Variants in PCGF5 observed in about 807,000 individuals in gnomAD.
PCGF5 encodes polycomb group ring finger 5.
In PCGF5, 9 loss-of-function variants were observed where a neutral mutation model predicts 44.3. The ratio of observed to expected loss-of-function variants is 0.20; its 90% CI spans 0.12 to 0.35. The LOEUF (loss-of-function observed/expected upper bound fraction) is 0.35. Ranked by LOEUF, PCGF5 falls within the 10% of genes least tolerant of loss-of-function variation. PCGF5 has a pLI of 1.00. For synonymous variants in PCGF5, 95 were observed against 102.5 expected, an observed-to-expected ratio of 0.93 and a Z score of 0.44; for missense variants, 146 against 305.3, an observed-to-expected ratio of 0.48 and a Z score of 3.89.
chr10:91,248,796 A>G, intron 5 of PCGF5, 72 bp downstream of exon 5: 1 of 1,244,426 alleles, frequency 8.0e-7, no homozygotes, highest in Non-Finnish European at 1.1e-6. Context: ...TAGGTGAACT[A>G]ATATGTCTCT....
intron 1 of PCGF5, among the ~76,000 whole-genome samples, chr10:91,168,680 G>T (rs1843545004): frequency 6.6e-6 from 1 of 152,068 alleles, no homozygotes; most frequent in Non-Finnish European, 1.5e-5. Context: ...TGTAATCCCA[G>T]CACTTTGGGA....
rs1844824048 is a variant in PCGF5 at position 91,225,985 on chromosome 10, G to T, written c.112+3002G>T. On this transcript the variant is annotated intron_variant, in intron 2 of 9. Transcript: ENST00000336126. ...ATAACCAAATGGAAAGGCAGAAAGT[G>T]AGAAATGTTAAGTGACATTGTAGTA... Among the ~76,000 whole-genome samples, 5 of 152,108 alleles carry T rather than the reference G, an allele frequency of 3.3e-5. No homozygotes were observed. The South Asian group carries it at 1.0e-3, about 32-fold the overall frequency.
At chr10:91,173,923 C>T (rs577012215) in intron 1 of PCGF5, among the ~76,000 whole-genome samples, 1 of 151,928 alleles carries the variant, frequency 6.6e-6, no homozygotes, top group East Asian at 2.0e-4. Flanking sequence ...CCTTCCTTTG[C>T]CTGTCTTTAG....
intron 9 of PCGF5, among the ~76,000 whole-genome samples, chr10:91,272,687 C>T (rs547726951): frequency 6.6e-6 from 1 of 151,952 alleles, no homozygotes; most frequent in Non-Finnish European, 1.5e-5. Flanking sequence ...GCGGGAGGGT[C>T]GCTTGAGCCC....
At chr10:91,173,578 C>CTGTTTTTTTTTTTTTT (rs1843650564) in intron 1 of PCGF5, among the ~76,000 whole-genome samples, 1 of 115,628 alleles carries the variant, frequency 8.6e-6, no homozygotes, top group African/African-American at 3.4e-5. Flanking sequence ...AGGGAGTTGG[C>CTGTTTTTTTTTTTTTT]TTTTTTTTTT....
intron 2 of PCGF5, among the ~76,000 whole-genome samples, chr10:91,233,664 G>A (rs1845072620): frequency 6.6e-6 from 1 of 152,154 alleles, no homozygotes; most frequent in African/African-American, 2.4e-5. Context: ...AGTTTCACGT[G>A]TAAGAATAGG....
chr10:91,238,533 G>C (rs1007628229), intron 2 of PCGF5, among the ~76,000 whole-genome samples: 4 of 144,302 alleles, frequency 2.8e-5, no homozygotes, highest in African/African-American at 1.0e-4. Context: ...GAACTACAAA[G>C]ATCAGAGCTC....
chr10:91,258,487 A>G (rs903307784), intron 6 of PCGF5, among the ~76,000 whole-genome samples: 1 of 152,104 alleles, frequency 6.6e-6, no homozygotes, highest in Non-Finnish European at 1.5e-5. Flanking sequence ...GTCAGCCCTC[A>G]GTTTCAGATT....
intron 3 of PCGF5, among the ~76,000 whole-genome samples, chr10:91,243,070 A>T: frequency 6.6e-6 from 1 of 152,196 alleles, no homozygotes; most frequent in East Asian, 1.9e-4. Flanking sequence ...CTCAGTAAAC[A>T]CTTTTTAAAG....
At chr10:91,188,345 A>G (rs1298806274) in intron 1 of PCGF5, among the ~76,000 whole-genome samples, 4 of 152,212 alleles carry the variant, frequency 2.6e-5, no homozygotes, top group Non-Finnish European at 5.9e-5. Context: ...AAGCAGATGG[A>G]TGATTCTATT....
chr10:91,277,982 C>G (rs1846358776), intron 9 of PCGF5, among the ~76,000 whole-genome samples: 1 of 152,062 alleles, frequency 6.6e-6, no homozygotes, highest in African/African-American at 2.4e-5. Context: ...GTTCTTGCCT[C>G]TCCTAAGTGT....
At chr10:91,269,370 TAAATG>T (rs1210489830) in intron 8 of PCGF5, among the ~76,000 whole-genome samples, 1 of 152,220 alleles carries the variant, frequency 6.6e-6, no homozygotes, top group African/African-American at 2.4e-5. Context: ...TTTTGAAACA[TAAATG>T]GAATCATATG....
intron 1 of PCGF5, among the ~76,000 whole-genome samples, chr10:91,222,453 A>G (rs1249185335): frequency 1.3e-5 from 2 of 152,218 alleles, no homozygotes; most frequent in Admixed American, 1.3e-4. Context: ...TGTAGTTAAT[A>G]GCTTTGGGTG....
intron 6 of PCGF5, among the ~76,000 whole-genome samples, chr10:91,256,994 C>T (rs542262373): frequency 6.6e-6 from 1 of 152,134 alleles, no homozygotes; most frequent in South Asian, 2.1e-4. Context: ...ATGTAAAACT[C>T]TTGTGTATCA....
chr10:91,160,031 C>A (rs557243298), upstream of PCGF5, among the ~76,000 whole-genome samples: 5 of 152,288 alleles, frequency 3.3e-5, no homozygotes, highest in African/African-American at 9.6e-5. Context: ...TCGGAATAGT[C>A]TCAGAGAACT....
chr10:91,256,691 T>C (rs1342640702), intron 6 of PCGF5, among the ~76,000 whole-genome samples: 3 of 151,976 alleles, frequency 2.0e-5, no homozygotes, highest in Non-Finnish European at 4.4e-5. Flanking sequence ...AAAGCAACAA[T>C]ATAAAAGTGA....
intron 1 of PCGF5, among the ~76,000 whole-genome samples, chr10:91,196,209 A>G (rs1159586976): frequency 6.6e-6 from 1 of 152,200 alleles, no homozygotes; most frequent in African/African-American, 2.4e-5. Context: ...TCTGTCAGCA[A>G]GGGCTAGAAT....
upstream of PCGF5, chr10:91,220,587 G>C (rs975781728): frequency 3.3e-5 from 5 of 149,880 alleles, no homozygotes; most frequent in Admixed American, 6.7e-5. Flanking sequence ...GGGGCGGGCG[G>C]TGCCGCCGGT....
At chr10:91,243,335 T>A (rs978577161) in intron 3 of PCGF5, among the ~76,000 whole-genome samples, 3 of 152,354 alleles carry the variant, frequency 2.0e-5, no homozygotes, top group Non-Finnish European at 2.9e-5. Context: ...GAATTATCCC[T>A]GAAGGTGGCC....
Sources: gnomAD v4.1 joint callset for allele counts (sites outside exome capture counted in the v4.1 genomes callset) on GRCh38, gnomAD v4.1.1 for gene constraint, MANE v1.5 for transcripts, NCBI Gene and HGNC (gene_info 2026-07-23, HGNC 2026-07-21) for gene names.